The following GRID2 variants were observed in gnomAD, a reference collection of about 807,000 sequenced individuals.
GRID2 encodes glutamate receptor ionotropic, delta-2.
Under a neutral mutation model 114.8 loss-of-function variants are expected in GRID2, and 33 were observed. That is an observed-to-expected ratio of 0.29 (90% CI 0.22 to 0.38). GRID2 has a LOEUF of 0.38. Ranked by LOEUF, GRID2 falls within the 10% of genes least tolerant of loss-of-function variation. The pLI is 1.00. For missense variants in GRID2, 1,184 were observed against 1,257.7 expected, an observed-to-expected ratio of 0.94 and a Z score of 0.89; for synonymous variants, 505 against 449.9, an observed-to-expected ratio of 1.12 and a Z score of -1.55.
chr4:93,216,771 A>G lies in GRID2; in HGVS notation c.823A>G (p.Arg275Gly). ...INDVDVQELV[R>G]RSIGRLTIIR... Reference sequence around the variant, plus strand: ...CGATGTGGACGTACAGGAACTTGTAAGAAGGTCAATTGGAAGGTTAACGAT... The same window carrying G: ...CGATGTGGACGTACAGGAACTTGTAGGAAGGTCAATTGGAAGGTTAACGAT... Residue 275 changes from arginine (R) to glycine (G), a missense_variant, in exon 6 of 16, where the codon AGA becomes GGA. Transcript: ENST00000282020. 2.5e-6 allele frequency: 4 copies of G among 1,612,258 alleles called. No individual in the cohort carries two copies. Among genetic ancestry groups the G allele is most frequent in the Non-Finnish European group, 3.4e-6 (4 of 1,178,450 alleles).
intron 2 of GRID2, among the ~76,000 whole-genome samples, chr4:92,740,849 C>A (rs1560565720): frequency 6.6e-6 from 1 of 152,042 alleles, no homozygotes; most frequent in Non-Finnish European, 1.5e-5. Context: ...TGGGTTCAAG[C>A]CATTCTCATG....
chr4:93,425,183 T>A (rs1344921261), intron 10 of GRID2, among the ~76,000 whole-genome samples: 2 of 152,196 alleles, frequency 1.3e-5, no homozygotes, highest in African/African-American at 4.8e-5. Context: ...TTCCTCACAT[T>A]TCTGGTTACA....
intron 13 of GRID2, among the ~76,000 whole-genome samples, chr4:93,555,714 T>C (rs1734253299): frequency 6.6e-6 from 1 of 152,198 alleles, no homozygotes; most frequent in African/African-American, 2.4e-5. Context: ...CTGCTGGCTC[T>C]GAAGACAGCA....
intron 1 of GRID2, among the ~76,000 whole-genome samples, chr4:92,325,162 A>G (rs1579182420): frequency 6.6e-6 from 1 of 151,952 alleles, no homozygotes; most frequent in African/African-American, 2.4e-5. Context: ...ACTAAAAGTC[A>G]TGGAGCTTGT....
intron 9 of GRID2, 38 bp from the exon 10 acceptor site, chr4:93,422,733 A>C: frequency 7.7e-7 from 1 of 1,297,320 alleles, no homozygotes. Flanking sequence ...AGGGAGCACT[A>C]TAGATTGACA....
chr4:93,321,612 A>G (rs1044046025), intron 8 of GRID2, among the ~76,000 whole-genome samples: 30 of 152,202 alleles, frequency 2.0e-4, no homozygotes, highest in African/African-American at 7.2e-4. Flanking sequence ...CCAATAGTTG[A>G]AACTTTTTAA....
Position 93,102,626 on chromosome 4 carries a change from C to T in GRID2, c.530-8122C>T, listed in dbSNP as rs184800963. 2.8e-4 allele frequency among the ~76,000 whole-genome samples: 42 copies of T among 151,882 alleles called. No homozygotes were observed. In the East Asian group the frequency reaches 7.5e-3, roughly 27 times the overall value. The stretch of plus-strand genomic sequence containing the variant: ...ACACATGACCATCCAGCAATGCAAC[C>T]TAGAGAGTTGGGCACATGTAGAAAA... On this transcript the variant is annotated intron_variant, in intron 3 of 15. Transcript: ENST00000282020.
In GRID2 at chr4:93,540,392, C is replaced by G. The variant is rs556291691; in HGVS notation, c.2193+24981C>G. ...GTTTTAGTCACTATTGCAATAGAGA[C>G]TTTTGATATCTGGTAAAGTTTGAAT... is the stretch of plus-strand genomic sequence containing the variant. On this transcript the variant is annotated intron_variant, in intron 13 of 15. Transcript: ENST00000282020. Among the ~76,000 whole-genome samples, 3 of 151,984 alleles carry G rather than the reference C, an allele frequency of 2.0e-5. No individual in the cohort carries two copies. The South Asian group carries it at 6.2e-4, about 31-fold the overall frequency.
intron 12 of GRID2, among the ~76,000 whole-genome samples, chr4:93,502,052 T>TA (rs1303149541): frequency 1.3e-5 from 2 of 152,048 alleles, no homozygotes; most frequent in African/African-American, 2.4e-5. Context: ...GTATACTGCT[T>TA]AGTCATTGTG....
rs1234388137 is a variant in GRID2, at chr4:93,332,267, CGTGT to C, written c.1246-63310_1246-63307del. ...CAGAAAAAGAGTGTGTGTGTGTGTG[CGTGT>C]GTGTGTGTGTGTGTGTGTGTGTGTG... On this transcript the variant is annotated intron_variant, in intron 8 of 15. Transcript: ENST00000282020. 6.7e-3 allele frequency among the ~76,000 whole-genome samples: 892 copies of C among 133,968 alleles called. 8 individuals carry two copies. The highest frequency in any genetic ancestry group is 0.017 in the South Asian group (67 of 4,032). The allele number at this position is 133,968 out of a possible 152,430, so 87.9% of individuals were successfully genotyped here. A position where few individuals can be genotyped will look rare whatever the true frequency, so the allele number is the denominator to read the frequency against.
intron 2 of GRID2, among the ~76,000 whole-genome samples, chr4:93,072,654 G>GA (rs76834573): frequency 1.4e-3 from 189 of 138,448 alleles, no homozygotes; most frequent in Non-Finnish European, 1.7e-3. Flanking sequence ...GCAACTATTT[G>GA]AAAAAAAAAA....
chr4:92,543,635 C>T (rs1726092660), intron 1 of GRID2, among the ~76,000 whole-genome samples: 1 of 152,098 alleles, frequency 6.6e-6, no homozygotes, highest in Admixed American at 6.6e-5. Flanking sequence ...ACACCAGAAC[C>T]TGGAATGCCC....
At chr4:93,636,191 A>G (rs1211417622) in intron 14 of GRID2, among the ~76,000 whole-genome samples, 1 of 152,186 alleles carries the variant, frequency 6.6e-6, no homozygotes, top group Non-Finnish European at 1.5e-5. Flanking sequence ...TCAGCTGGAT[A>G]ATAAGCCCAT....
intron 2 of GRID2, among the ~76,000 whole-genome samples, chr4:92,653,495 C>T (rs1365878581): frequency 1.3e-5 from 2 of 151,970 alleles, no homozygotes; most frequent in African/African-American, 2.4e-5. Flanking sequence ...TTTTGTTCAT[C>T]GTCTGGTTTT....
chr4:92,887,680 G>A (rs1367299462), intron 2 of GRID2, among the ~76,000 whole-genome samples: 1 of 152,192 alleles, frequency 6.6e-6, no homozygotes, highest in Non-Finnish European at 1.5e-5. Flanking sequence ...TTTTGACAAA[G>A]ATCTTTTCTT....
At chr4:93,433,618 C>T (rs1720792580) in intron 10 of GRID2, among the ~76,000 whole-genome samples, 1 of 152,164 alleles carries the variant, frequency 6.6e-6, no homozygotes, top group African/African-American at 2.4e-5. Context: ...TCTATGCCTC[C>T]TGTGCTCATC....
At chr4:93,391,191 T>C (rs1003527098) in intron 8 of GRID2, among the ~76,000 whole-genome samples, 2 of 152,078 alleles carry the variant, frequency 1.3e-5, no homozygotes, top group African/African-American at 4.8e-5. Context: ...ATAAAGAAAA[T>C]TATCATTGGA....
chr4:93,310,777 G>A (rs1755928837), intron 8 of GRID2, among the ~76,000 whole-genome samples: 1 of 152,164 alleles, frequency 6.6e-6, no homozygotes, highest in Non-Finnish European at 1.5e-5. Context: ...TTTGGGGTCT[G>A]GGATCCAGGA....
chr4:92,554,938 T>G (rs1726777780), intron 1 of GRID2, among the ~76,000 whole-genome samples: 1 of 152,176 alleles, frequency 6.6e-6, no homozygotes, highest in South Asian at 2.1e-4. Context: ...TTGTGTTTAT[T>G]GCTCGTCAGT....
Sources: allele counts gnomAD v4.1 joint callset (sites outside exome capture counted in the v4.1 genomes callset), GRCh38; gene constraint gnomAD v4.1.1; transcripts MANE v1.5; gene names NCBI Gene and HGNC (gene_info 2026-07-23, HGNC 2026-07-21).